Variants in GRK4 observed in about 807,000 individuals in gnomAD.
The protein encoded by GRK4 is G protein-coupled receptor kinase 2-like.
In GRK4, 73 loss-of-function variants were observed where a neutral mutation model predicts 77.9. The observed-to-expected ratio is 0.94, with a 90% confidence interval of 0.78 to 1.14. The LOEUF (loss-of-function observed/expected upper bound fraction) is 1.14. GRK4 is among the 50% of genes most tolerant of loss of function. The pLI, the probability that GRK4 is intolerant of heterozygous loss-of-function variation, is 0.00. For missense variants in GRK4, 729 were observed against 700.2 expected (o/e 1.04, Z -0.46); for synonymous variants, 257 against 254.4 (o/e 1.01, Z -0.10).
intron 3 of GRK4, among the ~76,000 whole-genome samples, chr4:2,989,845 T>C (rs1233759572): frequency 6.6e-6 from 1 of 152,210 alleles, no homozygotes; most frequent in Non-Finnish European, 1.5e-5. Flanking sequence ...TCTCAGTCTT[T>C]GTGGGTACCA....
intron 1 of GRK4, among the ~76,000 whole-genome samples, chr4:2,978,007 A>G (rs1202512908): frequency 6.6e-6 from 1 of 152,106 alleles, no homozygotes. Context: ...CATTTTGCCT[A>G]TTTTTTCTTT....
intron 1 of GRK4, chr4:2,971,005 A>C (rs1274068919): frequency 6.6e-6 from 1 of 152,140 alleles, no homozygotes; most frequent in Non-Finnish European, 1.5e-5. Context: ...TTTGACCCAA[A>C]TTAGGCAATA....
chr4:3,031,487 G>T (rs1446497902), intron 12 of GRK4, among the ~76,000 whole-genome samples: 1 of 152,200 alleles, frequency 6.6e-6, no homozygotes, highest in Non-Finnish European at 1.5e-5. Flanking sequence ...AGCTGCACTC[G>T]CCCAGCTCTG....
chr4:2,964,165 C>A, intron 1 of GRK4, 43 bp downstream of exon 1: 2 of 1,511,912 alleles, frequency 1.3e-6, no homozygotes, highest in Non-Finnish European at 1.8e-6. Flanking sequence ...CCCAGAGAAC[C>A]CCGAATCCCG....
intron 1 of GRK4, among the ~76,000 whole-genome samples, chr4:2,978,002 T>G (rs973203816): frequency 6.6e-6 from 1 of 152,264 alleles, no homozygotes; most frequent in South Asian, 2.1e-4. Flanking sequence ...AAGTTCATTT[T>G]GCCTATTTTT....
chr4:3,038,166 C>G (rs1741358210), intron 14 of GRK4, among the ~76,000 whole-genome samples: 1 of 152,184 alleles, frequency 6.6e-6, no homozygotes, highest in Admixed American at 6.5e-5. Flanking sequence ...GGAGTACACT[C>G]AGAGACAAGG....
At chr4:3,011,704 T>A (rs367963142) in intron 7 of GRK4, among the ~76,000 whole-genome samples, 49 of 152,362 alleles carry the variant, frequency 3.2e-4, no homozygotes, top group African/African-American at 1.1e-3. Flanking sequence ...TTAATCCAGA[T>A]TCTAATCGTG....
At chr4:2,995,506 TAAAAAAAA>T (rs35993504) in intron 4 of GRK4, among the ~76,000 whole-genome samples, 5 of 93,968 alleles carry the variant, frequency 5.3e-5, no homozygotes, top group South Asian at 4.0e-4. Context: ...TCATCTCTAC[TAAAAAAAA>T]AAAAAAAAAA....
At chr4:2,988,530 C>T (rs572546747) in intron 2 of GRK4, among the ~76,000 whole-genome samples, 197 bp from the exon 3 acceptor site, 3 of 152,076 alleles carry the variant, frequency 2.0e-5, no homozygotes, top group African/African-American at 2.4e-5. Context: ...GAGATTGTAC[C>T]GCTGCCCTCC....
intron 4 of GRK4, among the ~76,000 whole-genome samples, chr4:3,000,172 C>G (rs1729104389): frequency 6.6e-6 from 1 of 152,168 alleles, no homozygotes; most frequent in Non-Finnish European, 1.5e-5. Context: ...CCAGAAGTCT[C>G]AGTTCTGCAT....
At chr4:3,034,850 C>G (rs1740137786) in intron 12 of GRK4, among the ~76,000 whole-genome samples, 1 of 152,102 alleles carries the variant, frequency 6.6e-6, no homozygotes, top group Non-Finnish European at 1.5e-5. Context: ...ATAGCCGACC[C>G]CTTATTTATT....
intron 8 of GRK4, 147 bp from the exon 9 acceptor site, chr4:3,019,494 G>A: frequency 1.4e-6 from 1 of 727,676 alleles, no homozygotes; most frequent in East Asian, 2.7e-5. Context: ...CACGTGATAT[G>A]TCCTGTACAT....
At chr4:3,023,971 G>T (rs534098777) in intron 10 of GRK4, among the ~76,000 whole-genome samples, 1 of 152,266 alleles carries the variant, frequency 6.6e-6, no homozygotes, top group South Asian at 2.1e-4. Flanking sequence ...ACAAGGCAGG[G>T]GAGCACACTG....
At chr4:2,992,641 C>T (rs182015087) in intron 4 of GRK4, among the ~76,000 whole-genome samples, 2 of 150,900 alleles carry the variant, frequency 1.3e-5, no homozygotes, top group Non-Finnish European at 1.5e-5. Context: ...AAGGTCATGC[C>T]ACTGCATTCT....
chr4:3,030,256 C>T (rs1560497071), intron 12 of GRK4, among the ~76,000 whole-genome samples: 1 of 152,070 alleles, frequency 6.6e-6, no homozygotes. Flanking sequence ...GAGATGAGCC[C>T]CAAGCGGTGG....
Position 3,019,731 on chromosome 4 carries a change from A to C in GRK4, c.832A>C (p.Asn278His). The C allele has an allele frequency of 3.1e-6, 5 of 1,614,186 alleles. No homozygotes were observed. In the South Asian group the frequency reaches 4.4e-5, roughly 14 times the overall value. Reference protein sequence around the residue: ...NGGDLKFHIYNLGNPGFDEQR... With the variant: ...NGGDLKFHIYHLGNPGFDEQR... ...AGGGGATTTGAAGTTTCACATTTAC[A>C]ACCTGGGCAATCCCGGCTTTGATGA... The change falls in exon 9 of 16, where the codon AAC becomes CAC. Residue 278 changes from asparagine (N) to histidine (H), a missense_variant. Asn to His is a moderately conservative substitution (Grantham distance 68). Transcript: ENST00000398052.
At chr4:2,986,354 CTTT>C (rs36001597) in intron 2 of GRK4, among the ~76,000 whole-genome samples, 25 of 73,254 alleles carry the variant, frequency 3.4e-4, no homozygotes, top group African/African-American at 1.0e-3. Flanking sequence ...AAGGTGTTAT[CTTT>C]TTTTTTTTTT....
At chr4:2,987,578 G>T (rs892278670) in intron 2 of GRK4, among the ~76,000 whole-genome samples, 1 of 152,178 alleles carries the variant, frequency 6.6e-6, no homozygotes, top group Non-Finnish European at 1.5e-5. Flanking sequence ...GAATAGTGTT[G>T]CTGGGAACAT....
At chr4:3,026,804 C>T (rs1170390481) in intron 10 of GRK4, among the ~76,000 whole-genome samples, 1 of 152,226 alleles carries the variant, frequency 6.6e-6, no homozygotes, top group Non-Finnish European at 1.5e-5. Context: ...CTCTCTAAAG[C>T]ATCATGCAGA....
Sources: allele counts gnomAD v4.1 joint callset (sites outside exome capture counted in the v4.1 genomes callset), GRCh38; gene constraint gnomAD v4.1.1; transcripts MANE v1.5; gene names NCBI Gene and HGNC (gene_info 2026-07-23, HGNC 2026-07-21).